Variants in TANC2 observed in about 807,000 individuals in gnomAD.
TANC2 encodes the protein protein TANC2.
In TANC2, 26 loss-of-function variants were observed where a neutral mutation model predicts 210.5. The ratio of observed to expected loss-of-function variants is 0.12; its 90% CI spans 0.09 to 0.17. The LOEUF (loss-of-function observed/expected upper bound fraction) is 0.17, where lower values mean the gene tolerates loss of function less well. TANC2 is among the 10% of genes least tolerant of loss of function. TANC2 has a pLI of 1.00. For synonymous variants in TANC2, 931 were observed against 967.1 expected (o/e 0.96, Z 0.69); for missense variants, 2,129 against 2,608.9 (o/e 0.82, Z 4.01).
chr17:63,011,209 G>GT (rs923556970), intron 2 of TANC2, among the ~76,000 whole-genome samples: 239 of 150,594 alleles, frequency 1.6e-3, no homozygotes, highest in African/African-American at 5.2e-3. Context: ...AGACAAATAT[G>GT]TTTTTTTTTG....
chr17:63,285,833 C>T (rs1343349921), intron 9 of TANC2, among the ~76,000 whole-genome samples: 1 of 152,136 alleles, frequency 6.6e-6, no homozygotes, highest in Non-Finnish European at 1.5e-5. Flanking sequence ...AAATTCCAGG[C>T]AGCCAGAAGG....
chr17:63,388,388 A>G (rs1188406639), intron 15 of TANC2, among the ~76,000 whole-genome samples: 1 of 152,204 alleles, frequency 6.6e-6, no homozygotes, highest in Non-Finnish European at 1.5e-5. Context: ...AATTATATCC[A>G]GATAGAAAAG....
chr17:62,988,534 G>A (rs2143537775), intron 1 of TANC2, among the ~76,000 whole-genome samples: 1 of 152,158 alleles, frequency 6.6e-6, no homozygotes, highest in East Asian at 1.9e-4. Context: ...TGTTTGTTGG[G>A]ATTAGTAATG....
intron 17 of TANC2, chr17:63,391,058 TCTC>T (rs2047955300): frequency 6.6e-6 from 1 of 152,134 alleles, no homozygotes; most frequent in Non-Finnish European, 1.5e-5. Context: ...AGAGCAATTG[TCTC>T]CTCCTCTACA....
intron 12 of TANC2, among the ~76,000 whole-genome samples, chr17:63,340,742 G>A (rs1598893052): frequency 6.6e-6 from 1 of 152,286 alleles, no homozygotes; most frequent in East Asian, 1.9e-4. Flanking sequence ...CAGTTCATGT[G>A]AAGTGGAATG....
intron 14 of TANC2, among the ~76,000 whole-genome samples, chr17:63,360,046 G>A (rs2046912859): frequency 6.6e-6 from 1 of 152,196 alleles, no homozygotes; most frequent in African/African-American, 2.4e-5. Context: ...CAAGCAGTTT[G>A]TCTAAGGAAA....
At chr17:63,314,953 G>A (rs2045267861) in intron 10 of TANC2, among the ~76,000 whole-genome samples, 1 of 152,084 alleles carries the variant, frequency 6.6e-6, no homozygotes, top group African/African-American at 2.4e-5. Context: ...GATAACGACC[G>A]CAGCAATTGC....
At chr17:63,386,875 C>G (rs548802122) in intron 15 of TANC2, among the ~76,000 whole-genome samples, 1 of 151,906 alleles carries the variant, frequency 6.6e-6, no homozygotes, top group Non-Finnish European at 1.5e-5. Flanking sequence ...TTTTTTGAGA[C>G]AAAGCCTCAC....
intron 15 of TANC2, 139 bp downstream of exon 15, chr17:63,379,965 G>A: frequency 1.6e-6 from 1 of 643,742 alleles, no homozygotes; most frequent in Non-Finnish European, 2.7e-6. Context: ...AACACGTATG[G>A]CCTGTTCCTC....
chr17:63,101,945 C>G (rs1005300037), intron 4 of TANC2, among the ~76,000 whole-genome samples: 3 of 151,984 alleles, frequency 2.0e-5, no homozygotes, highest in African/African-American at 7.3e-5. Context: ...TTGGCATGTT[C>G]AAGGAATGGA....
At chr17:63,081,941 G>A (rs2036788072) in intron 3 of TANC2, among the ~76,000 whole-genome samples, 1 of 151,204 alleles carries the variant, frequency 6.6e-6, no homozygotes, top group African/African-American at 2.4e-5. Flanking sequence ...CAAGGCGGGT[G>A]GATCACGAGA....
At chr17:63,372,707 G>A (rs997324378) in intron 14 of TANC2, among the ~76,000 whole-genome samples, 4 of 152,106 alleles carry the variant, frequency 2.6e-5, no homozygotes, top group African/African-American at 9.7e-5. Flanking sequence ...AAGTAGGTCT[G>A]TTTGACTTTT....
intron 20 of TANC2, among the ~76,000 whole-genome samples, chr17:63,405,874 C>A (rs1341304601): frequency 6.6e-6 from 1 of 152,216 alleles, no homozygotes; most frequent in Admixed American, 6.5e-5. Flanking sequence ...GGAACTTCCG[C>A]TATGGGATTG....
chr17:63,219,154 C>A (rs1220452870), intron 7 of TANC2, among the ~76,000 whole-genome samples: 1 of 152,112 alleles, frequency 6.6e-6, no homozygotes, highest in Non-Finnish European at 1.5e-5. Flanking sequence ...TCACAGTACT[C>A]CATACTGTTA....
In TANC2 at chr17:63,245,072, T is replaced by C. The variant is rs1016997345; in HGVS notation, c.1033+6995T>C. On this transcript the variant is annotated intron_variant, in intron 8 of 27. Transcript: ENST00000689528. Reference sequence around the variant, plus strand: ...GACTAATAACAGTCTCCATAAATGTTTTGTAAAAATCAGTGATTTTACTAT... The same window carrying C: ...GACTAATAACAGTCTCCATAAATGTCTTGTAAAAATCAGTGATTTTACTAT... 2.0e-5 allele frequency among the ~76,000 whole-genome samples: 3 copies of C among 152,188 alleles called. No individual in the cohort carries two copies. In the East Asian group the frequency reaches 5.8e-4, roughly 29 times the overall value.
intron 2 of TANC2, among the ~76,000 whole-genome samples, chr17:63,045,199 T>C (rs1413561205): frequency 6.6e-6 from 1 of 152,234 alleles, no homozygotes; most frequent in East Asian, 1.9e-4. Context: ...TGCACCACAA[T>C]GGCAGAGTTG....
intron 4 of TANC2, chr17:63,117,285 C>T (rs1443123974): frequency 6.6e-6 from 1 of 152,116 alleles, no homozygotes; most frequent in African/African-American, 2.4e-5. Context: ...GTAATTTGCT[C>T]TAACAGAGGG....
At chr17:63,351,206 A>C in intron 12 of TANC2, 44 bp from the exon 13 acceptor site, 1 of 1,512,154 alleles carries the variant, frequency 6.6e-7, no homozygotes, top group African/African-American at 1.4e-5. Context: ...GAACTCATTT[A>C]TCCACTTGGT....
chr17:63,094,839 G>A (rs1171252304), intron 3 of TANC2, among the ~76,000 whole-genome samples: 2 of 151,250 alleles, frequency 1.3e-5, no homozygotes, highest in East Asian at 3.9e-4. Flanking sequence ...TGTCAAGTTA[G>A]CAGTTTTTAA....
Sources: allele counts gnomAD v4.1 joint callset (sites outside exome capture counted in the v4.1 genomes callset), GRCh38; gene constraint gnomAD v4.1.1; transcripts MANE v1.5; gene names NCBI Gene and HGNC (gene_info 2026-07-23, HGNC 2026-07-21).